SYTL3: variants seen among roughly 807,000 people sequenced by gnomAD.
SYTL3 encodes the protein synaptotagmin like 3.
Under a neutral mutation model 82.1 loss-of-function variants are expected in SYTL3, and 88 were observed. The observed-to-expected ratio is 1.07, with a 90% CI of 0.90 to 1.28. SYTL3 has a LOEUF of 1.28. Among genes scored for constraint, SYTL3 ranks in the 50% most tolerant of loss-of-function variants. The pLI is 0.00. For missense variants in SYTL3, 831 were observed against 757.6 expected (o/e 1.10, Z -1.14); for synonymous variants, 311 against 289.4 (o/e 1.07, Z -0.76).
At chr6:158,723,117 CAG>C (rs1183482470) in intron 10 of SYTL3, among the ~76,000 whole-genome samples, 1 of 107,146 alleles carries the variant, frequency 9.3e-6, no homozygotes, top group Non-Finnish European at 1.8e-5. Flanking sequence ...TTTTTTGAGA[CAG>C]AGTCTTGCTC....
At chr6:158,724,752 C>T (rs865985213) in intron 10 of SYTL3, among the ~76,000 whole-genome samples, 10 of 152,206 alleles carry the variant, frequency 6.6e-5, no homozygotes, top group African/African-American at 2.4e-4. Context: ...TGGTGGCTCA[C>T]GCCTGTAATC....
intron 11 of SYTL3, among the ~76,000 whole-genome samples, chr6:158,744,685 C>A (rs186855320): frequency 2.0e-5 from 3 of 152,008 alleles, no homozygotes; most frequent in East Asian, 1.9e-4. Flanking sequence ...GTTGGGAATT[C>A]GAAGTAGAAA....
At chr6:158,709,106 A>G (rs1782459157) in intron 8 of SYTL3, among the ~76,000 whole-genome samples, 1 of 152,140 alleles carries the variant, frequency 6.6e-6, no homozygotes, top group Admixed American at 6.5e-5. Flanking sequence ...GGTGGCAGGC[A>G]CCTGTAGTCC....
At chr6:158,728,609 T>C (rs949955444) in intron 11 of SYTL3, among the ~76,000 whole-genome samples, 6 of 152,238 alleles carry the variant, frequency 3.9e-5, no homozygotes, top group Non-Finnish European at 8.8e-5. Flanking sequence ...TGTGTATAGG[T>C]AGGCATTTTA....
At chr6:158,763,589 C>A in intron 17 of SYTL3, 80 bp downstream of exon 17, 1 of 1,279,616 alleles carries the variant, frequency 7.8e-7, no homozygotes, top group Non-Finnish European at 1.1e-6. Flanking sequence ...ATGCTTCCAC[C>A]AGGGCAGTGA....
intron 6 of SYTL3, among the ~76,000 whole-genome samples, chr6:158,684,817 A>G (rs1456804173): frequency 1.3e-5 from 2 of 151,948 alleles, no homozygotes; most frequent in Non-Finnish European, 2.9e-5. Flanking sequence ...TCTTAAAAAA[A>G]AAAAAAAAAA....
At chr6:158,700,567 T>C (rs1781075114) in intron 6 of SYTL3, among the ~76,000 whole-genome samples, 1 of 113,520 alleles carries the variant, frequency 8.8e-6, no homozygotes, top group South Asian at 2.6e-4. Flanking sequence ...GAAGTAATGC[T>C]TCCTGCTATT....
intron 2 of SYTL3, among the ~76,000 whole-genome samples, chr6:158,653,268 A>T (rs150181980): frequency 6.6e-6 from 1 of 152,202 alleles, no homozygotes; most frequent in East Asian, 1.9e-4. Context: ...GCACTTTGGG[A>T]GGCCACGGTG....
chr6:158,763,819 A>C (rs1351958274), intron 17 of SYTL3, among the ~76,000 whole-genome samples: 1 of 152,236 alleles, frequency 6.6e-6, no homozygotes, highest in Non-Finnish European at 1.5e-5. Context: ...CTTAAATGAA[A>C]ATATCTTCTT....
At position 158,713,785 on chromosome 6, in the gene SYTL3, C is replaced by A; in HGVS notation, c.517-15C>A. ...CAAGCATAATTCTCATTCTCTCCTT[C>A]TGTCTCTGTTTTAGTTACAGGAATT... On this transcript the variant is annotated splice_polypyrimidine_tract_variant and intron_variant, in intron 8 of 17. Transcript: ENST00000611299. 6.5e-7 allele frequency: 1 copy of A among 1,528,784 alleles called. No homozygotes were observed. Among genetic ancestry groups the A allele is most frequent in the Non-Finnish European group, 8.9e-7 (1 of 1,126,624 alleles). 94.7% of individuals were successfully genotyped at this position (1,528,784 alleles called of 1,614,324 possible).
At chr6:158,764,353 G>A (rs1395756690) in intron 17 of SYTL3, 142 bp from the exon 18 acceptor site, 2 of 620,186 alleles carry the variant, frequency 3.2e-6, no homozygotes, top group Non-Finnish European at 5.8e-6. Flanking sequence ...GAGTGGTGGT[G>A]GCGGCGTCTG....
Position 158,707,351 on chromosome 6 carries a change from C to T in SYTL3, c.446+70C>T, listed in dbSNP as rs1782216842. ...GAGCGCAGAGGACACTCTGCAAGAA[C>T]TTATAGGTCTCTTGACTTTCACATG... On this transcript the variant is annotated intron_variant, in intron 7 of 17. Coordinates refer to ENST00000611299, the MANE Select transcript of SYTL3 (RefSeq NM_001242394.2). 3.7e-6 allele frequency: 5 copies of T among 1,357,894 alleles called. No individual in the cohort carries two copies. In the East Asian group the frequency reaches 6.9e-5, roughly 19 times the overall value. 84.1% of individuals were successfully genotyped at this position (1,357,894 alleles called of 1,614,324 possible).
chr6:158,655,418 GGGGGAATC>G (rs1194141159), intron 2 of SYTL3, among the ~76,000 whole-genome samples: 10 of 152,172 alleles, frequency 6.6e-5, no homozygotes, highest in African/African-American at 1.9e-4. Context: ...GCTGGGTGAT[GGGGGAATC>G]GCTGAAATCT....
Position 158,704,861 on chromosome 6 carries a change from G to GGA in SYTL3, c.395-2369_395-2368insGA, listed in dbSNP as rs35965952. On this transcript the variant is annotated intron_variant, in intron 6 of 17. Coordinates refer to ENST00000611299, the MANE Select transcript of SYTL3 (RefSeq NM_001242394.2). Reference sequence around the variant, plus strand: ...CCACATAGGGCAGGAGGGACCCAGGGCAGGGTGACAGTGAGGGCTGTAAGG... The same window carrying GGA: ...CCACATAGGGCAGGAGGGACCCAGGGGACAGGGTGACAGTGAGGGCTGTAAGG... Among the ~76,000 whole-genome samples the GGA allele has an allele frequency of 5.3e-3, 657 of 124,606 alleles. 21 individuals carry two copies. The highest frequency in any genetic ancestry group is 0.02 in the African/African-American group (619 of 30,400). The allele number at this position is 124,606 out of a possible 152,430, so 81.7% of individuals were successfully genotyped here.
rs562592299 is a variant in SYTL3, at chr6:158,668,178, C to A, written c.329+2565C>A. 8.3e-4 allele frequency among the ~76,000 whole-genome samples: 126 copies of A among 152,298 alleles called. 1 individual carries two copies. The highest frequency in any genetic ancestry group is 2.7e-3 in the African/African-American group (113 of 41,566). ...GGCCCCCAGGCCTCCTTCTGAATCT[C>A]CAGTCCTCTCCCGCCTGCTAGGAGC... is the stretch of plus-strand genomic sequence containing the variant. On this transcript the variant is annotated intron_variant, in intron 5 of 17. Transcript: ENST00000611299.
chr6:158,735,817 A>G (rs1786067972), intron 11 of SYTL3, among the ~76,000 whole-genome samples: 1 of 152,184 alleles, frequency 6.6e-6, no homozygotes, highest in African/African-American at 2.4e-5. Flanking sequence ...CGTGTTGGTA[A>G]GGTGTAGGGT....
At chr6:158,737,571 A>C (rs2128499554) in intron 11 of SYTL3, among the ~76,000 whole-genome samples, 1 of 152,308 alleles carries the variant, frequency 6.6e-6, no homozygotes, top group East Asian at 1.9e-4. Flanking sequence ...ACTTTCTTTC[A>C]AACCCAGACT....
chr6:158,764,440 G>A (rs1790496647), intron 17 of SYTL3, 55 bp from the exon 18 acceptor site: 9 of 1,316,116 alleles, frequency 6.8e-6, no homozygotes, highest in Non-Finnish European at 7.7e-6. Context: ...AGGGATGAGA[G>A]GGGATGAAGT....
chr6:158,758,731 C>T (rs1789492738), intron 14 of SYTL3, among the ~76,000 whole-genome samples: 1 of 152,136 alleles, frequency 6.6e-6, no homozygotes, highest in Admixed American at 6.5e-5. Flanking sequence ...CCTCCCCTTC[C>T]CAGTGCCTAC....
Sources: allele counts gnomAD v4.1 joint callset (sites outside exome capture counted in the v4.1 genomes callset), GRCh38; gene constraint gnomAD v4.1.1; transcripts MANE v1.5; gene names NCBI Gene and HGNC (gene_info 2026-07-23, HGNC 2026-07-21).